Variants in ADGRF1 observed in about 807,000 individuals in gnomAD.
The protein encoded by ADGRF1 is adhesion G protein-coupled receptor F1.
Under a neutral mutation model 87.2 loss-of-function variants are expected in ADGRF1, and 85 were observed. The observed-to-expected ratio is 0.97, with a 90% CI of 0.82 to 1.17. The LOEUF (loss-of-function observed/expected upper bound fraction) is 1.17. Among genes scored for constraint, ADGRF1 ranks in the 50% most tolerant of loss-of-function variants. The pLI is 0.00. For synonymous variants in ADGRF1, 430 were observed against 408.8 expected, an observed-to-expected ratio of 1.05 and a Z score of -0.63; for missense variants, 1,169 against 1,077.2, an observed-to-expected ratio of 1.09 and a Z score of -1.19.
rs374462680 is a variant in ADGRF1 at position 47,031,351 on chromosome 6, G to GTCTCTCTCTCTC, written c.-43-2259_-43-2248dup. Among the ~76,000 whole-genome samples the GTCTCTCTCTCTC allele has an allele frequency of 1.8e-3, 203 of 110,756 alleles. 2 individuals carry two copies. Among genetic ancestry groups the GTCTCTCTCTCTC allele is most frequent in the African/African-American group, 6.4e-3 (185 of 28,880 alleles). 72.7% of individuals were successfully genotyped at this position (110,756 alleles called of 152,430 possible). On this transcript the variant is annotated intron_variant, in intron 1 of 14. Coordinates refer to ENST00000371253, the MANE Select transcript of ADGRF1 (RefSeq NM_153840.4). ...CTCTCTTCTCTCTCTCTCTCTCTCT[G>GTCTCTCTCTCTC]TCTCTCTCTCTCTCTCTCTCTCTCT...
At chr6:47,014,548 G>A in intron 9 of ADGRF1, 133 bp downstream of exon 9, 2 of 1,464,176 alleles carry the variant, frequency 1.4e-6, no homozygotes, top group Non-Finnish European at 9.0e-7. Flanking sequence ...AGGGTCTGAT[G>A]TCATCCTTGC....
rs574891068 is a variant in ADGRF1, at chr6:47,012,274, T to C, written c.928-79A>G. On this transcript the variant is annotated intron_variant, in intron 9 of 14. Transcript: ENST00000371253. The stretch of plus-strand genomic sequence containing the variant: ...AAATTTAAATCAGATGTCTTGGCCA[T>C]ATAGAACTAACATTTGTATGGTGTG... 7.0e-6 allele frequency: 11 copies of C among 1,560,362 alleles called. No individual in the cohort carries two copies. In the East Asian group the frequency reaches 2.5e-4, roughly 35 times the overall value.
intron 7 of ADGRF1, chr6:47,020,054 C>T (rs568739322): frequency 7.1e-5 from 71 of 996,946 alleles, no homozygotes; most frequent in Middle Eastern, 1.0e-3. Context: ...ATCCACCCTT[C>T]GACAACCCGC....
chr6:47,021,708 C>A (rs550974320), intron 6 of ADGRF1, among the ~76,000 whole-genome samples: 16 of 152,146 alleles, frequency 1.1e-4, no homozygotes, highest in East Asian at 1.9e-4. Context: ...AATCAAGAAG[C>A]CTTAGTATAT....
intron 9 of ADGRF1, chr6:47,013,341 C>T (rs1779764961): frequency 1.0e-6 from 1 of 985,628 alleles, no homozygotes; most frequent in Non-Finnish European, 1.2e-6. Context: ...AGAAGAAACC[C>T]CAGAATCTAA....
chr6:47,007,254 T>C lies in ADGRF1; in HGVS notation c.2531A>G (p.Lys844Arg). The C allele has an allele frequency of 6.5e-7, 1 of 1,545,190 alleles. No individual in the cohort carries two copies. Among genetic ancestry groups the C allele is most frequent in the Middle Eastern group, 1.7e-4 (1 of 5,918 alleles). Residue 844 changes from lysine (K) to arginine (R), a missense_variant and splice_region_variant, in exon 12 of 15, where the codon AAG becomes AGG. By Grantham distance (26) the Lys-to-Arg change is conservative (BLOSUM62 2). Coordinates refer to ENST00000371253, the MANE Select transcript of ADGRF1 (RefSeq NM_153840.4). ...ILCFGILLDS[K>R]LRQLLFNKLS... Reference sequence around the variant, plus strand: ...AATGAGAGAAATAAATACACATACCTTACTGTCCAAGAGTATTCCAAAGCA... The same window carrying C: ...AATGAGAGAAATAAATACACATACCCTACTGTCCAAGAGTATTCCAAAGCA...
chr6:47,015,436 G>T (rs900562491), intron 8 of ADGRF1, among the ~76,000 whole-genome samples: 4 of 151,854 alleles, frequency 2.6e-5, no homozygotes, highest in African/African-American at 9.7e-5. Context: ...TTCAGATGGG[G>T]TTGCACTCTT....
At chr6:47,031,351 G>GTC (rs374462680) in intron 1 of ADGRF1, among the ~76,000 whole-genome samples, 17,402 of 110,460 alleles carry the variant, frequency 0.16, 1,316 homozygotes, top group Middle Eastern at 0.23. Flanking sequence ...CTCTCTCTCT[G>GTC]TCTCTCTCTC....
At position 47,009,972 on chromosome 6, in the gene ADGRF1, C is replaced by T. The variant is rs772930936; in HGVS notation, c.1463G>A (p.Gly488Glu). 1.2e-4 allele frequency: 188 copies of T among 1,613,994 alleles called. No individual in the cohort carries two copies. The highest frequency in any genetic ancestry group is 1.5e-4 in the Non-Finnish European group (180 of 1,180,004). The stretch of plus-strand genomic sequence containing the variant: ...ATTTTTGGAAACGGGTAGAATGTTC[C>T]CCAGAGTCAACGAGGCCATGCTGAT... ...TIISMASLTL[G>E]NILPVSKNGN... Residue 488 changes from glycine to glutamate, a missense_variant, in exon 11 of 15, where the codon GGG becomes GAG. Coordinates refer to ENST00000371253, the MANE Select transcript of ADGRF1 (RefSeq NM_153840.4).
At chr6:47,012,269 G>A in intron 9 of ADGRF1, 74 bp from the exon 10 acceptor site, 2 of 1,565,788 alleles carry the variant, frequency 1.3e-6, no homozygotes, top group South Asian at 1.2e-5. Flanking sequence ...CAGATGTCTT[G>A]GCCATATAGA....
intron 14 of ADGRF1, 74 bp from the exon 15 acceptor site, chr6:47,000,369 G>T: frequency 1.8e-6 from 2 of 1,088,476 alleles, no homozygotes; most frequent in East Asian, 2.4e-5. Flanking sequence ...ATGAAAATTA[G>T]CCTGTAGATT....
intron 5 of ADGRF1, among the ~76,000 whole-genome samples, 161 bp from the exon 6 acceptor site, chr6:47,022,219 C>T (rs747516151): frequency 1.3e-5 from 2 of 152,156 alleles, no homozygotes; most frequent in Non-Finnish European, 2.9e-5. Context: ...AGGATGCATA[C>T]ATAAAAGCAG....
intron 13 of ADGRF1, among the ~76,000 whole-genome samples, chr6:47,002,383 G>GA (rs151124370): frequency 0.016 from 2,308 of 142,830 alleles, 63 homozygotes; most frequent in African/African-American, 0.056. Context: ...ACTGAGTTCT[G>GA]AAAAAAAAAA....
intron 14 of ADGRF1, 95 bp downstream of exon 14, chr6:47,001,406 G>C (rs1295003893): frequency 8.1e-6 from 8 of 986,156 alleles, no homozygotes; most frequent in African/African-American, 1.6e-5. Context: ...CTTCTCACAT[G>C]AGTTTCTTAC....
At chr6:47,001,079 A>G (rs969915372) in intron 14 of ADGRF1, among the ~76,000 whole-genome samples, 3 of 152,222 alleles carry the variant, frequency 2.0e-5, no homozygotes, top group African/African-American at 7.2e-5. Flanking sequence ...GGGGCATTTT[A>G]GGGAGGAGGA....
rs1011897633 is a variant in ADGRF1 at position 47,020,896 on chromosome 6, G to A, written c.553-107C>T. ...AATAAATAAATCAACAGTAGCAAAG[G>A]AGCAAAGAAAAGAGACACAGTGGGA... On this transcript the variant is annotated intron_variant, in intron 6 of 14. Coordinates refer to ENST00000371253, the MANE Select transcript of ADGRF1 (RefSeq NM_153840.4). 9 of 829,928 alleles carry A rather than the reference G, an allele frequency of 1.1e-5. No homozygotes were observed. The East Asian group carries it at 2.4e-4, about 22-fold the overall frequency. The allele number at this position is 829,928 out of a possible 1,614,324, so 51.4% of individuals were successfully genotyped here. A position where few individuals can be genotyped will look rare whatever the true frequency, so the allele number is the denominator to read the frequency against.
intron 7 of ADGRF1, chr6:47,020,280 G>A (rs1203950929): frequency 3.4e-6 from 4 of 1,192,090 alleles, no homozygotes; most frequent in Admixed American, 3.6e-5. Flanking sequence ...ATCACCTGAG[G>A]TCAGGAGTTT....
intron 1 of ADGRF1, among the ~76,000 whole-genome samples, chr6:47,031,887 T>A (rs1780441992): frequency 6.6e-6 from 1 of 152,108 alleles, no homozygotes; most frequent in African/African-American, 2.4e-5. Context: ...CTTTTAATTT[T>A]TTTTGTAGAG....
chr6:47,020,642 G>C, intron 7 of ADGRF1, 89 bp downstream of exon 7: 1 of 1,588,448 alleles, frequency 6.3e-7, no homozygotes, highest in South Asian at 1.1e-5. Context: ...CCTGTTTTCT[G>C]TCAGGGTCAC....
Sources: allele counts gnomAD v4.1 joint callset (sites outside exome capture counted in the v4.1 genomes callset), GRCh38; gene constraint gnomAD v4.1.1; transcripts MANE v1.5; gene names NCBI Gene and HGNC (gene_info 2026-07-23, HGNC 2026-07-21).